Variants in DSCAML1 observed in about 807,000 individuals in gnomAD.
DSCAML1 encodes the protein cell adhesion molecule DSCAML1.
A neutral mutation model predicts 200.5 loss-of-function variants in DSCAML1; 38 were observed. The ratio of observed to expected loss-of-function variants is 0.19; its 90% confidence interval spans 0.15 to 0.25. The LOEUF (loss-of-function observed/expected upper bound fraction) is 0.25, where lower values mean the gene tolerates loss of function less well. Ranked by LOEUF, DSCAML1 falls within the 10% of genes least tolerant of loss-of-function variation. The probability of loss-of-function intolerance (pLI) is 1.00; values close to 1 mark genes in which losing one functional copy is unlikely to be tolerated. For synonymous variants in DSCAML1, 1,215 were observed against 1,165.0 expected (o/e 1.04, Z -0.87); for missense variants, 2,223 against 2,858.8 (o/e 0.78, Z 5.07).
At chr11:117,473,103 A>G (rs2048718111) in intron 14 of DSCAML1, among the ~76,000 whole-genome samples, 1 of 152,260 alleles carries the variant, frequency 6.6e-6, no homozygotes, top group Non-Finnish European at 1.5e-5. Flanking sequence ...AATTCTCCAT[A>G]GAAAAGATTA....
At chr11:117,532,776 C>A (rs1040953523) in intron 3 of DSCAML1, among the ~76,000 whole-genome samples, 1 of 152,016 alleles carries the variant, frequency 6.6e-6, no homozygotes, top group Non-Finnish European at 1.5e-5. Flanking sequence ...AGTTACTTAA[C>A]CTCTCTGAGC....
chr11:117,472,409 A>C (rs927502809), intron 14 of DSCAML1, among the ~76,000 whole-genome samples: 10 of 152,182 alleles, frequency 6.6e-5, no homozygotes, highest in African/African-American at 2.4e-4. Context: ...CTGGTCTAAC[A>C]GTGAGACACC....
At chr11:117,508,131 T>A (rs904894641) in intron 8 of DSCAML1, among the ~76,000 whole-genome samples, 13 of 152,116 alleles carry the variant, frequency 8.5e-5, no homozygotes, top group African/African-American at 3.1e-4. Context: ...TCCTTAGGCC[T>A]AGAAGAACCA....
chr11:117,758,471 G>A (rs1325842498), intron 3 of DSCAML1, among the ~76,000 whole-genome samples: 3 of 151,510 alleles, frequency 2.0e-5, no homozygotes, highest in African/African-American at 4.8e-5. Flanking sequence ...GCGCGATCTC[G>A]GCTCACTGCA....
rs4359247 is a variant in DSCAML1, at chr11:117,714,926, G to A, written c.511+61865C>T. 9.2e-4 allele frequency among the ~76,000 whole-genome samples: 140 copies of A among 151,410 alleles called. 1 individual carries two copies. The highest frequency in any genetic ancestry group is 3.2e-3 in the African/African-American group (133 of 41,130). The stretch of plus-strand genomic sequence containing the variant: ...GGCCCCAGGCCCCAGCCGTCCAAGT[G>A]TCCTTCTATTCCACCATTCTGTGCC... On this transcript the variant is annotated intron_variant, in intron 3 of 32. Coordinates refer to ENST00000651296, the MANE Select transcript of DSCAML1 (RefSeq NM_020693.4).
chr11:117,447,817 C>T (rs12417961), intron 20 of DSCAML1, among the ~76,000 whole-genome samples: 9,469 of 152,288 alleles, frequency 0.062, 430 homozygotes, highest in Admixed American at 0.15. Flanking sequence ...GTCACTGATA[C>T]GCGCGTGTGC....
intron 3 of DSCAML1, among the ~76,000 whole-genome samples, chr11:117,691,152 G>T (rs2053487136): frequency 6.6e-6 from 1 of 152,218 alleles, no homozygotes. Flanking sequence ...TGTCTCAGGA[G>T]TAAGTCTAAA....
chr11:117,542,557 T>C (rs569230931), intron 3 of DSCAML1, among the ~76,000 whole-genome samples: 92 of 152,294 alleles, frequency 6.0e-4, no homozygotes, highest in African/African-American at 2.2e-3. Flanking sequence ...TCCCCAACTC[T>C]TTTAGGTACC....
chr11:117,455,897 T>C (rs1310790899), intron 19 of DSCAML1, among the ~76,000 whole-genome samples: 2 of 152,206 alleles, frequency 1.3e-5, no homozygotes, highest in Non-Finnish European at 2.9e-5. Flanking sequence ...TCCCTCCTAG[T>C]CCTTGCAATT....
intron 32 of DSCAML1, 140 bp from the exon 33 acceptor site, chr11:117,428,943 T>C: frequency 1.4e-6 from 1 of 722,926 alleles, no homozygotes; most frequent in Non-Finnish European, 2.3e-6. Flanking sequence ...CAATAAAGAG[T>C]AGCGGAAAGG....
intron 3 of DSCAML1, among the ~76,000 whole-genome samples, chr11:117,589,100 C>G (rs1446490433): frequency 1.3e-5 from 2 of 152,196 alleles, no homozygotes; most frequent in East Asian, 3.8e-4. Context: ...TTAGCTTACT[C>G]CAAGCCTCAG....
chr11:117,475,958 T>C (rs1009276462), intron 14 of DSCAML1, among the ~76,000 whole-genome samples: 3 of 152,162 alleles, frequency 2.0e-5, no homozygotes, highest in Non-Finnish European at 2.9e-5. Flanking sequence ...ACTTGATCAC[T>C]GTCATCTCCC....
intron 3 of DSCAML1, among the ~76,000 whole-genome samples, chr11:117,591,189 G>T (rs2051252661): frequency 6.6e-6 from 1 of 152,170 alleles, no homozygotes; most frequent in African/African-American, 2.4e-5. Context: ...GAGCAGCACA[G>T]TTAGGAAGTG....
At chr11:117,709,834 G>A (rs535837882) in intron 3 of DSCAML1, 120 of 452,770 alleles carry the variant, frequency 2.7e-4, no homozygotes, top group Non-Finnish European at 4.6e-4. Flanking sequence ...GCCTGGGACC[G>A]AGGGCAACCA....
intron 19 of DSCAML1, among the ~76,000 whole-genome samples, chr11:117,453,775 C>T (rs540865207): frequency 8.3e-4 from 117 of 141,728 alleles, no homozygotes; most frequent in African/African-American, 2.5e-3. Context: ...GATAGAGTCT[C>T]GCTCTGTCCC....
At chr11:117,546,151 T>C (rs945585000) in intron 3 of DSCAML1, among the ~76,000 whole-genome samples, 3 of 152,184 alleles carry the variant, frequency 2.0e-5, no homozygotes, top group Admixed American at 1.3e-4. Context: ...ATCTCTGCCT[T>C]TGGGCTCTAT....
chr11:117,467,625 CTG>C (rs1349359811), intron 16 of DSCAML1, among the ~76,000 whole-genome samples: 2 of 151,488 alleles, frequency 1.3e-5, no homozygotes, highest in East Asian at 1.9e-4. Flanking sequence ...AGGTGTGTGT[CTG>C]TGTGTGTGTG....
intron 1 of DSCAML1, among the ~76,000 whole-genome samples, chr11:117,812,164 C>A (rs2055766764): frequency 6.6e-6 from 1 of 152,056 alleles, no homozygotes; most frequent in African/African-American, 2.4e-5. Context: ...CCACCTTAAC[C>A]CACAAGAGAC....
intron 3 of DSCAML1, among the ~76,000 whole-genome samples, chr11:117,731,685 C>A (rs961928167): frequency 6.6e-6 from 1 of 152,226 alleles, no homozygotes; most frequent in South Asian, 2.1e-4. Flanking sequence ...TCGTTTAATA[C>A]CACAATACAT....
Sources: allele counts gnomAD v4.1 joint callset (sites outside exome capture counted in the v4.1 genomes callset), GRCh38; gene constraint gnomAD v4.1.1; transcripts MANE v1.5; gene names NCBI Gene and HGNC (gene_info 2026-07-23, HGNC 2026-07-21).